UNC5D: variants seen among roughly 807,000 people sequenced by gnomAD.
UNC5D encodes netrin receptor UNC5D.
UNC5D carries 39 observed loss-of-function variants against 105.4 expected under a neutral mutation model. That is an observed-to-expected ratio of 0.37 (90% CI 0.29 to 0.48). The LOEUF (loss-of-function observed/expected upper bound fraction) is 0.48, where lower values mean the gene tolerates loss of function less well. UNC5D is among the 20% of genes least tolerant of loss of function. The pLI is 0.98. For missense variants in UNC5D, 991 were observed against 1,202.4 expected (o/e 0.82, Z 2.60); for synonymous variants, 452 against 450.4 (o/e 1.00, Z -0.04).
In UNC5D at chr8:35,389,464, C is replaced by T. The variant is rs140959813; in HGVS notation, c.103+153577C>T. 2.2e-3 allele frequency among the ~76,000 whole-genome samples: 337 copies of T among 152,184 alleles called. 2 individuals carry two copies. Among genetic ancestry groups the T allele is most frequent in the East Asian group, 0.011 (57 of 5,168 alleles). On this transcript the variant is annotated intron_variant, in intron 1 of 16. Coordinates refer to ENST00000404895, the MANE Select transcript of UNC5D (RefSeq NM_080872.4). ...AGTAACAGAGAACTAGATTATCATT[C>T]GTCTTTTGTTTGGAAAACAATACCA... is the stretch of plus-strand genomic sequence containing the variant.
chr8:35,408,198 T>C (rs765605966), intron 1 of UNC5D, among the ~76,000 whole-genome samples: 3 of 152,154 alleles, frequency 2.0e-5, no homozygotes, highest in Non-Finnish European at 4.4e-5. Flanking sequence ...AAACATGCTA[T>C]GTGTAATGAT....
At chr8:35,521,957 T>C (rs1813512854) in intron 1 of UNC5D, among the ~76,000 whole-genome samples, 1 of 152,174 alleles carries the variant, frequency 6.6e-6, no homozygotes, top group Admixed American at 6.5e-5. Flanking sequence ...ATTAGAGCAA[T>C]GATCAGCTAT....
At position 35,642,039 on chromosome 8, in the gene UNC5D, A is replaced by C. The variant is rs573111856; in HGVS notation, c.571-41508A>C. ...AAAGAGCATTGCCATTAGTCAGTTG[A>C]TACTTATAGTGTGAGACTTGGAACC... On this transcript the variant is annotated intron_variant, in intron 4 of 16. Coordinates refer to ENST00000404895, the MANE Select transcript of UNC5D (RefSeq NM_080872.4). Among the ~76,000 whole-genome samples the C allele has an allele frequency of 4.7e-4, 72 of 152,254 alleles. 1 individual carries two copies. The highest frequency in any genetic ancestry group is 1.6e-3 in the African/African-American group (68 of 41,560).
intron 1 of UNC5D, among the ~76,000 whole-genome samples, chr8:35,519,891 T>C (rs572494841): frequency 6.6e-6 from 1 of 152,118 alleles, no homozygotes; most frequent in African/African-American, 2.4e-5. Context: ...CTAGGATGGC[T>C]ATAATCAAAA....
chr8:35,448,354 T>C (rs780268334), intron 1 of UNC5D, among the ~76,000 whole-genome samples: 1 of 152,060 alleles, frequency 6.6e-6, no homozygotes, highest in Admixed American at 6.6e-5. Context: ...GCTTTAAAGG[T>C]GATGATGCTG....
intron 1 of UNC5D, among the ~76,000 whole-genome samples, chr8:35,285,095 G>A (rs1806494000): frequency 6.6e-6 from 1 of 152,226 alleles, no homozygotes; most frequent in Admixed American, 6.5e-5. Flanking sequence ...GACTTTTTGA[G>A]TTTATGCTGT....
In UNC5D at chr8:35,549,305, C is replaced by T. The variant is rs761905222; in HGVS notation, c.117C>T (p.Gly39=). 3.9e-5 allele frequency: 63 copies of T among 1,613,028 alleles called. No individual in the cohort carries two copies. The highest frequency in any genetic ancestry group is 6.7e-5 in the East Asian group (3 of 44,878). The change falls in exon 2 of 17, where the codon GGC becomes GGT. Residue 39 remains glycine, a synonymous_variant. Coordinates refer to ENST00000404895, the MANE Select transcript of UNC5D (RefSeq NM_080872.4). ...GTAAARGTDN[G]EALPESIPSA... ...TTGATTTCACAGGAACTGACAATGG[C>T]GAAGCCCTTCCCGAATCCATCCCAT...
chr8:35,549,466 A>G lies in UNC5D; in HGVS notation c.278A>G (p.His93Arg). The change falls in exon 2 of 17, where the codon CAT becomes CGT. Residue 93 changes from histidine to arginine, a missense_variant. Around this residue, in one of 3 missense-constraint regions of UNC5D, gnomAD observed 944 missense variants for 1,131.6 expected, o/e 0.83. Coordinates refer to ENST00000404895, the MANE Select transcript of UNC5D (RefSeq NM_080872.4). The stretch of plus-strand genomic sequence containing the variant: ...TTCAAATGCAACGGCGAGTGGGTCC[A>G]TCAGAACGAGCACGTCTCTGAAGAG... The part of the protein sequence containing the change: ...IFFKCNGEWV[H>R]QNEHVSEETL... 5 of 1,612,562 alleles carry G rather than the reference A, an allele frequency of 3.1e-6. No homozygotes were observed. The highest frequency in any genetic ancestry group is 1.7e-5 in the Admixed American group (1 of 60,012).
chr8:35,302,718 C>T (rs141303041), intron 1 of UNC5D, among the ~76,000 whole-genome samples: 38 of 152,124 alleles, frequency 2.5e-4, no homozygotes, highest in East Asian at 1.5e-3. Context: ...GAAAAACTTA[C>T]GGTATAGGTA....
intron 11 of UNC5D, among the ~76,000 whole-genome samples, chr8:35,740,431 C>T (rs1169994320): frequency 1.3e-5 from 2 of 152,166 alleles, no homozygotes; most frequent in African/African-American, 2.4e-5. Flanking sequence ...TCTCCTAGAA[C>T]CTTCAGAAGG....
chr8:35,588,224 A>G (rs1160976153), intron 3 of UNC5D, among the ~76,000 whole-genome samples: 2 of 152,000 alleles, frequency 1.3e-5, no homozygotes, highest in East Asian at 1.9e-4. Context: ...CATGAATAGA[A>G]GACAAGTCTA....
At chr8:35,606,597 C>T (rs1240442795) in intron 4 of UNC5D, among the ~76,000 whole-genome samples, 1 of 152,134 alleles carries the variant, frequency 6.6e-6, no homozygotes, top group Non-Finnish European at 1.5e-5. Flanking sequence ...CTCGAGTAGA[C>T]CCCAATGTCT....
At chr8:35,688,081 G>A (rs1312687385) in intron 7 of UNC5D, among the ~76,000 whole-genome samples, 3 of 151,516 alleles carry the variant, frequency 2.0e-5, no homozygotes, top group South Asian at 2.1e-4. Flanking sequence ...GCAGTGAGCC[G>A]AGATAGCACC....
chr8:35,507,179 C>A (rs991613307), intron 1 of UNC5D, among the ~76,000 whole-genome samples: 27 of 149,916 alleles, frequency 1.8e-4, no homozygotes, highest in African/African-American at 6.6e-4. Context: ...CCTCAGCCTC[C>A]CAAGTAGCTG....
intron 11 of UNC5D, among the ~76,000 whole-genome samples, chr8:35,732,762 G>T (rs138111202): frequency 1.2e-3 from 186 of 152,230 alleles, no homozygotes; most frequent in African/African-American, 4.2e-3. Context: ...GTAAGCCTGT[G>T]TTGAGCTCAT....
chr8:35,308,425 G>T (rs978318751), intron 1 of UNC5D, among the ~76,000 whole-genome samples: 1 of 152,076 alleles, frequency 6.6e-6, no homozygotes. Context: ...CCCCAGGGAA[G>T]TCCAATTAAC....
chr8:35,388,592 G>A (rs1372843826), intron 1 of UNC5D, among the ~76,000 whole-genome samples: 1 of 152,094 alleles, frequency 6.6e-6, no homozygotes, highest in African/African-American at 2.4e-5. Context: ...ACAGATCACG[G>A]GCAAGTACAT....
intron 1 of UNC5D, among the ~76,000 whole-genome samples, chr8:35,441,878 C>A (rs1299572150): frequency 6.6e-6 from 1 of 151,642 alleles, no homozygotes; most frequent in Non-Finnish European, 1.5e-5. Context: ...CAACAAGAAG[C>A]AGAAATTCTT....
chr8:35,394,165 C>A (rs1585740245), intron 1 of UNC5D, among the ~76,000 whole-genome samples: 1 of 152,182 alleles, frequency 6.6e-6, no homozygotes, highest in East Asian at 1.9e-4. Context: ...CAGAAGAAAA[C>A]GATATGTACA....
Sources: gnomAD v4.1 joint callset for allele counts (sites outside exome capture counted in the v4.1 genomes callset) on GRCh38, gnomAD v4.1.1 for gene constraint, gnomAD v4.1.1 regional missense constraint, MANE v1.5 for transcripts, NCBI Gene and HGNC (gene_info 2026-07-23, HGNC 2026-07-21) for gene names.